Variants in CRB2 observed in about 807,000 individuals in gnomAD.
The protein encoded by CRB2 is protein crumbs homolog 2.
A neutral mutation model predicts 110.9 loss-of-function variants in CRB2; 85 were observed. The observed-to-expected ratio is 0.77, with a 90% confidence interval of 0.64 to 0.92. CRB2 has a LOEUF of 0.92. Among genes scored for constraint, CRB2 ranks in the 40% least tolerant of loss-of-function variants. CRB2 has a pLI of 0.00. For synonymous variants in CRB2, 907 were observed against 831.0 expected, an observed-to-expected ratio of 1.09 and a Z score of -1.57; for missense variants, 1,843 against 1,851.3, an observed-to-expected ratio of 1.00 and a Z score of 0.08.
At chr9:123,358,358 C>A (rs985948485) in intron 1 of CRB2, among the ~76,000 whole-genome samples, 2 of 152,192 alleles carry the variant, frequency 1.3e-5, no homozygotes, top group South Asian at 2.1e-4. Context: ...TCATATCCAC[C>A]CTCCCTTCCC....
chr9:123,367,029 CG>C (rs1229954921), intron 4 of CRB2, 142 bp from the exon 5 acceptor site: 1 of 743,768 alleles, frequency 1.3e-6, no homozygotes, highest in East Asian at 2.9e-5. Context: ...GTCATTCCTG[CG>C]GCCCTTAGTG....
At chr9:123,355,705 T>G (rs533085543), upstream of CRB2, among the ~76,000 whole-genome samples, 5 of 49,748 alleles carry the variant, frequency 1.0e-4, no homozygotes, top group South Asian at 7.0e-4. Flanking sequence ...TTGGCTCCGA[T>G]GGGAGCACTG....
chr9:123,378,832 T>TTTTTTTTTG (rs2042153877), downstream of CRB2: 1 of 134,940 alleles, frequency 7.4e-6, no homozygotes, highest in Non-Finnish European at 1.6e-5. Context: ...TTTTTTTTTT[T>TTTTTTTTTG]GAGATGGAGT....
At position 123,373,680 on chromosome 9, in the gene CRB2, CG is replaced by C; in HGVS notation, c.3150del (p.Ile1051SerfsTer90). 1 of 1,461,816 alleles carries C rather than the reference CG, an allele frequency of 6.8e-7. No individual in the cohort carries two copies. 90.6% of individuals were successfully genotyped at this position (1,461,816 alleles called of 1,614,324 possible). The part of the protein sequence containing the change: ...HFASWPGTPA[P>X]ILGCRGAPVC... ...GCGTCTTGGCCTGGGACGCCGGCCC[CG>C]ATCCTCGGCTGCCGCGGCGCGCCCG... is the stretch of plus-strand genomic sequence containing the variant. On this transcript the variant is annotated frameshift_variant, in exon 10 of 13. Transcript: ENST00000373631. LOFTEE classifies it high-confidence loss of function.
intron 1 of CRB2, among the ~76,000 whole-genome samples, chr9:123,361,512 G>A (rs1324853954): frequency 6.6e-6 from 1 of 152,002 alleles, no homozygotes; most frequent in Non-Finnish European, 1.5e-5. Flanking sequence ...CACCAGAGTG[G>A]GGGAGGGAAG....
In CRB2 at chr9:123,363,204, G is replaced by A. The variant is rs373726455; in HGVS notation, c.418+16G>A. 2.2e-5 allele frequency: 35 copies of A among 1,582,710 alleles called. No individual in the cohort carries two copies. Among genetic ancestry groups the A allele is most frequent in the African/African-American group, 1.1e-4 (8 of 74,558 alleles). On this transcript the variant is annotated intron_variant, in intron 2 of 12. Coordinates refer to ENST00000373631, the MANE Select transcript of CRB2 (RefSeq NM_173689.7). ...GGCTATGCAGGTAACAGCCTGGGCC[G>A]CCCTGGGAGGAGGTCTGTAATGCAG...
chr9:123,374,128 C>A, intron 10 of CRB2: 1 of 796,722 alleles, frequency 1.3e-6, no homozygotes, highest in Non-Finnish European at 2.1e-6. Context: ...TTCAGATAAA[C>A]AGCGCTGTGG....
intron 1 of CRB2, among the ~76,000 whole-genome samples, chr9:123,362,291 C>T (rs552095011): frequency 1.3e-3 from 191 of 152,318 alleles, no homozygotes; most frequent in African/African-American, 4.4e-3. Flanking sequence ...TTACCAGACC[C>T]CTGGCAGAAG....
chr9:123,357,326 C>T (rs1205900180), intron 1 of CRB2, among the ~76,000 whole-genome samples: 3 of 152,052 alleles, frequency 2.0e-5, no homozygotes, highest in South Asian at 2.1e-4. Context: ...CCCCCACCAC[C>T]ACAGGCTGGG....
Position 123,377,349 on chromosome 9 carries a change from AGTGT to A in CRB2, c.*292_*295del, listed in dbSNP as rs986141695. Reference sequence around the variant, plus strand: ...CACGTGGGTTCACAGTGTGTTCAGGAGTGTGTGTATCTGGAGGAGTGTGTGTGTG... The same window carrying A: ...CACGTGGGTTCACAGTGTGTTCAGGAGTGTATCTGGAGGAGTGTGTGTGTG... On this transcript the variant is annotated 3_prime_UTR_variant, in exon 13 of 13. Coordinates refer to ENST00000373631, the MANE Select transcript of CRB2 (RefSeq NM_173689.7). 48 of 408,716 alleles carry A rather than the reference AGTGT, an allele frequency of 1.2e-4. No homozygotes were observed. Among genetic ancestry groups the A allele is most frequent in the African/African-American group, 2.0e-4 (10 of 49,692 alleles). 25.3% of individuals were successfully genotyped at this position (408,716 alleles called of 1,614,324 possible).
chr9:123,378,555 C>T lies in CRB2; in HGVS notation c.*1493C>T, dbSNP rs1374328498. 1 of 152,274 alleles carries T rather than the reference C, an allele frequency of 6.6e-6. No individual in the cohort carries two copies. The highest frequency in any genetic ancestry group is 1.5e-5 in the Non-Finnish European group (1 of 68,076). The allele number at this position is 152,274 out of a possible 1,614,324, so 9.4% of individuals were successfully genotyped here. A position where few individuals can be genotyped will look rare whatever the true frequency, so the allele number is the denominator to read the frequency against. ...CTGGGATAGAGAGGGCCCTGAACAC[C>T]AGGCTCAGGGGCTTGCTTGGTCCTT... On this transcript the variant is annotated 3_prime_UTR_variant, in exon 13 of 13. Coordinates refer to ENST00000373631, the MANE Select transcript of CRB2 (RefSeq NM_173689.7).
intron 1 of CRB2, among the ~76,000 whole-genome samples, chr9:123,361,775 A>C (rs2041871648): frequency 2.0e-5 from 3 of 152,176 alleles, no homozygotes; most frequent in Admixed American, 2.0e-4. Flanking sequence ...TGGGAAACGG[A>C]GGCTCTGTAG....
At chr9:123,372,937 C>T (rs1318094145) in intron 9 of CRB2, among the ~76,000 whole-genome samples, 197 bp from the exon 10 acceptor site, 1 of 152,202 alleles carries the variant, frequency 6.6e-6, no homozygotes, top group Non-Finnish European at 1.5e-5. Context: ...GGAACTGCTC[C>T]TCCATGGGTA....
intron 7 of CRB2, 23 bp from the exon 8 acceptor site, chr9:123,371,047 C>A (rs2042008095): frequency 2.5e-6 from 4 of 1,604,580 alleles, no homozygotes; most frequent in African/African-American, 1.3e-5. Flanking sequence ...AGGCCTCACA[C>A]CTGGCACCTT....
chr9:123,373,892 C>T lies in CRB2; in HGVS notation c.3361C>T (p.Pro1121Ser). The T allele has an allele frequency of 6.5e-7, 1 of 1,548,732 alleles. No individual in the cohort carries two copies. ...CGACGGCCGCTTCGAGTGCCGCTGC[C>T]CGCCTGGCTTCGGGGGCCCGCGCTG... ...HPDGRFECRC[P>S]PGFGGPRCRL... The change falls in exon 10 of 13, where the codon CCG becomes TCG. Residue 1121 changes from proline to serine, a missense_variant. Transcript: ENST00000373631.
intron 10 of CRB2, 165 bp downstream of exon 10, chr9:123,374,085 T>A: frequency 9.9e-7 from 1 of 1,006,530 alleles, no homozygotes; most frequent in Admixed American, 2.0e-5. Context: ...CCTGATAAAA[T>A]ACAGATCAAA....
At chr9:123,357,506 T>C (rs1200227219) in intron 1 of CRB2, among the ~76,000 whole-genome samples, 1 of 151,748 alleles carries the variant, frequency 6.6e-6, no homozygotes, top group Non-Finnish European at 1.5e-5. Context: ...TATGGGGCCC[T>C]AGGGAGGATG....
chr9:123,356,294 C>T lies in CRB2; in HGVS notation c.34C>T (p.Gln12Ter). 6.5e-7 allele frequency: 1 copy of T among 1,543,572 alleles called. No homozygotes were observed. The highest frequency in any genetic ancestry group is 8.7e-7 in the Non-Finnish European group (1 of 1,144,776). Residue 12 changes from glutamine (Q) to a stop codon, truncating the protein, a stop_gained, in exon 1 of 13, where the codon CAG (glutamine) becomes TAG (stop). Transcript: ENST00000373631. LOFTEE classifies it high-confidence loss of function. ...ALARPGTPDPQALASVLLLLL... is the reference protein window; with the variant it reads ...ALARPGTPDP ...GGCCAGGCCTGGGACCCCGGACCCC[C>T]AGGCCCTGGCCTCTGTCCTGCTACT...
At chr9:123,374,758 C>A in intron 11 of CRB2, 63 bp downstream of exon 11, 1 of 1,229,046 alleles carries the variant, frequency 8.1e-7, no homozygotes, top group Non-Finnish European at 1.2e-6. Context: ...GTTCCTCCAG[C>A]CAGGGTGGGG....
Sources: gnomAD v4.1 joint callset for allele counts (sites outside exome capture counted in the v4.1 genomes callset) on GRCh38, gnomAD v4.1.1 for gene constraint, MANE v1.5 for transcripts, NCBI Gene and HGNC (gene_info 2026-07-23, HGNC 2026-07-21) for gene names.